TEX15: variants seen among roughly 807,000 people sequenced by gnomAD.
TEX15 encodes the protein testis expressed 15, meiosis and synapsis associated.
A neutral mutation model predicts 237.3 loss-of-function variants in TEX15; 171 were observed. The ratio of observed to expected loss-of-function variants is 0.72; its 90% CI spans 0.64 to 0.82. The LOEUF (loss-of-function observed/expected upper bound fraction) is 0.82. Among genes scored for constraint, TEX15 ranks in the 40% least tolerant of loss-of-function variants. TEX15 has a pLI of 0.00. For missense variants in TEX15, 3,750 were observed against 3,646.5 expected (o/e 1.03, Z -0.73); for synonymous variants, 1,338 against 1,269.8 (o/e 1.05, Z -1.14).
chr8:30,894,422 C>A (rs937294469), intron 2 of TEX15, among the ~76,000 whole-genome samples: 1 of 152,192 alleles, frequency 6.6e-6, no homozygotes, highest in Non-Finnish European at 1.5e-5. Context: ...TAATACCCTG[C>A]TTCCAGTATG....
At chr8:30,876,076 A>G (rs1428952341) in intron 3 of TEX15, among the ~76,000 whole-genome samples, 1 of 152,142 alleles carries the variant, frequency 6.6e-6, no homozygotes, top group African/African-American at 2.4e-5. Context: ...TTGGCCTCCC[A>G]AAGTGCTGGG....
intron 1 of TEX15, among the ~76,000 whole-genome samples, chr8:30,909,499 A>C (rs1809175885): frequency 1.3e-5 from 2 of 150,658 alleles, no homozygotes; most frequent in African/African-American, 4.9e-5. Context: ...CATTCCAAGG[A>C]TATAGGATTG....
Position 30,847,833 on chromosome 8 carries a change from G to T in TEX15, c.2334C>A (p.Phe778Leu). 6.2e-7 allele frequency: 1 copy of T among 1,613,824 alleles called. No individual in the cohort carries two copies. Among genetic ancestry groups the T allele is most frequent in the South Asian group, 1.1e-5 (1 of 91,056 alleles). ...TATAAGATGAAATAACTGTATCAAT[G>T]AACATTTCTTTGGCCTGGGGTATGT... ...PKDIPQAKEM[F>L]IDTVISSYNI... The change falls in exon 8 of 11, where the codon TTC becomes TTA. Residue 778 changes from phenylalanine (F) to leucine (L), a missense_variant. Phe to Leu is a conservative substitution (Grantham distance 22). Transcript: ENST00000643185.
chr8:30,843,519 T>G lies in TEX15; in HGVS notation c.6648A>C (p.Leu2216Phe), dbSNP rs752681462. The G allele has an allele frequency of 3.1e-5, 50 of 1,613,046 alleles. No individual in the cohort carries two copies. The highest frequency in any genetic ancestry group is 4.1e-5 in the Non-Finnish European group (48 of 1,179,678). ...AGTCCCCACATACATTGATCAACTT[T>G]AAAGTACTTTTTCTTAAGATTTCCA... ...EDLEILRKST[L>F]KLINVCGDSP... The change falls in exon 8 of 11, where the codon TTA (leucine) becomes TTC (phenylalanine). Residue 2216 changes from leucine to phenylalanine, a missense_variant. Physicochemically the swap from Leu to Phe is conservative, Grantham distance 22 (BLOSUM62 0). Coordinates refer to ENST00000643185, the MANE Select transcript of TEX15 (RefSeq NM_001350162.2).
Position 30,837,013 on chromosome 8 carries a change from G to GATT in TEX15, c.9268_9270dup (p.Asn3090dup). 1.9e-6 allele frequency: 3 copies of GATT among 1,614,146 alleles called. No individual in the cohort carries two copies. The highest frequency in any genetic ancestry group is 2.5e-6 in the Non-Finnish European group (3 of 1,180,034). ...TAAGTAAAATATTGAGAGTACAGAA[G>GATT]ATTAGAATGTGTGCCCTGGGCAGTA... On this transcript the variant is annotated inframe_insertion, in exon 10 of 11. Coordinates refer to ENST00000643185, the MANE Select transcript of TEX15 (RefSeq NM_001350162.2).
intron 7 of TEX15, among the ~76,000 whole-genome samples, chr8:30,851,687 C>T (rs572737581): frequency 0.022 from 3,300 of 149,928 alleles, 113 homozygotes; most frequent in African/African-American, 0.076. Flanking sequence ...GAAAAGAAAC[C>T]TAATTACTTA....
In TEX15 at chr8:30,844,684, G is replaced by T; in HGVS notation, c.5483C>A (p.Ser1828Tyr). The change falls in exon 8 of 11, where the codon TCC becomes TAC. Residue 1828 changes from serine to tyrosine, a missense_variant. By Grantham distance (144) the Ser-to-Tyr change is moderately radical. Transcript: ENST00000643185. ...CTTCACAATACATGTTTCTGAAGAG[G>T]AGCCTTTTACATTATCTTTTAAAAG... is the stretch of plus-strand genomic sequence containing the variant. ...SLLLKDNVKG[S>Y]SSETCIVKKD... The T allele has an allele frequency of 6.2e-7, 1 of 1,613,166 alleles. No individual in the cohort carries two copies. The highest frequency in any genetic ancestry group is 8.5e-7 in the Non-Finnish European group (1 of 1,179,570).
At chr8:30,839,410 A>G (rs992169241) in intron 9 of TEX15, among the ~76,000 whole-genome samples, 1 of 147,790 alleles carries the variant, frequency 6.8e-6, no homozygotes, top group African/African-American at 2.6e-5. Context: ...GAAATTTGCC[A>G]TTCTTCAAAA....
rs1433773777 is a variant in TEX15 at position 30,846,755 on chromosome 8, A to G, written c.3412T>C (p.Ser1138Pro). ...TCTGTTTCATTGTTTTGTGTAGAGG[A>G]ATAAAAATAGTTACTTTCCTTAGAA... ...HYSKESNYFY[S>P]STQNNETELT... is the part of the protein sequence containing the mutation. The change falls in exon 8 of 11, where the codon TCC becomes CCC. Residue 1138 changes from serine to proline, a missense_variant. Physicochemically the swap from Ser to Pro is moderately conservative, Grantham distance 74. Coordinates refer to ENST00000643185, the MANE Select transcript of TEX15 (RefSeq NM_001350162.2). The G allele has an allele frequency of 6.2e-7, 1 of 1,613,850 alleles. No individual in the cohort carries two copies. The highest frequency in any genetic ancestry group is 1.1e-5 in the South Asian group (1 of 91,068).
At chr8:30,908,226 A>G (rs1472802857) in intron 1 of TEX15, among the ~76,000 whole-genome samples, 1 of 151,748 alleles carries the variant, frequency 6.6e-6, no homozygotes, top group African/African-American at 2.4e-5. Context: ...GCCTGACCCT[A>G]TTTTTTAATT....
chr8:30,875,633 T>A (rs996733159), intron 3 of TEX15, among the ~76,000 whole-genome samples: 2 of 152,162 alleles, frequency 1.3e-5, no homozygotes, highest in African/African-American at 4.8e-5. Context: ...CATAAAAGGA[T>A]AAAATCCTAT....
In TEX15 at chr8:30,887,025, A is replaced by AT. The variant is rs1563270801; in HGVS notation, c.136+141dup. The AT allele has an allele frequency of 2.4e-5, 16 of 663,388 alleles. No individual in the cohort carries two copies. The South Asian group carries it at 3.0e-4, about 12-fold the overall frequency. 41.1% of individuals were successfully genotyped at this position (663,388 alleles called of 1,614,324 possible). A position where few individuals can be genotyped will look rare whatever the true frequency, so the allele number is the denominator to read the frequency against. ...CATCTATTCTATTTTGAGTGGAAAC[A>AT]TAAGTACATGTATGTTTAAGGAATT... On this transcript the variant is annotated intron_variant, in intron 3 of 10. Coordinates refer to ENST00000643185, the MANE Select transcript of TEX15 (RefSeq NM_001350162.2).
At chr8:30,909,226 C>T (rs994191091) in intron 1 of TEX15, among the ~76,000 whole-genome samples, 7 of 151,826 alleles carry the variant, frequency 4.6e-5, no homozygotes, top group African/African-American at 1.7e-4. Context: ...CTCAGATAAA[C>T]CTTAAAAATC....
Position 30,844,119 on chromosome 8 carries a change from T to C in TEX15, c.6048A>G (p.Leu2016=). ...TTAGACAAACCTTAGTTTCTTCCTG[T>C]AGAATCTGCAAAGATGATGCTTCAT... is the stretch of plus-strand genomic sequence containing the variant. ...RADEASSLQI[L]QEETKVCLNI... is the part of the protein sequence containing the mutation. The change falls in exon 8 of 11, where the codon CTA becomes CTG. Residue 2016 remains leucine (L), a synonymous_variant. Coordinates refer to ENST00000643185, the MANE Select transcript of TEX15 (RefSeq NM_001350162.2). The C allele has an allele frequency of 6.2e-7, 1 of 1,613,372 alleles. No homozygotes were observed. The highest frequency in any genetic ancestry group is 8.5e-7 in the Non-Finnish European group (1 of 1,179,570).
intron 1 of TEX15, among the ~76,000 whole-genome samples, chr8:30,903,143 A>G (rs979736055): frequency 2.0e-5 from 3 of 152,222 alleles, no homozygotes; most frequent in Non-Finnish European, 2.9e-5. Flanking sequence ...TCAAATTATA[A>G]TCTTGTTTTA....
At chr8:30,883,744 A>G (rs1049119948) in intron 3 of TEX15, among the ~76,000 whole-genome samples, 5 of 152,128 alleles carry the variant, frequency 3.3e-5, no homozygotes, top group Non-Finnish European at 5.9e-5. Context: ...AATCCAGTCT[A>G]TATCACTGAT....
At chr8:30,886,542 GCATTA>G in intron 3 of TEX15, among the ~76,000 whole-genome samples, 1 of 152,176 alleles carries the variant, frequency 6.6e-6, no homozygotes, top group East Asian at 1.9e-4. Context: ...AGAAGGGAAT[GCATTA>G]TTGCTGTGTG....
In TEX15 at chr8:30,836,923, G is replaced by GTATTTGAGA; in HGVS notation, c.9352_9360dup (p.Ser3118_Ile3120dup). On this transcript the variant is annotated inframe_insertion, in exon 10 of 11. Coordinates refer to ENST00000643185, the MANE Select transcript of TEX15 (RefSeq NM_001350162.2). ...ATTGGCTGCCGAAAATTAGAAGCAGGTATTTGAGATTGAAAATACCCATTC... is the reference window on the plus strand; with the variant it reads ...ATTGGCTGCCGAAAATTAGAAGCAGGTATTTGAGATATTTGAGATTGAAAATACCCATTC... 1 of 1,614,148 alleles carries GTATTTGAGA rather than the reference G, an allele frequency of 6.2e-7. No individual in the cohort carries two copies. The highest frequency in any genetic ancestry group is 1.1e-5 in the South Asian group (1 of 91,080).
intron 3 of TEX15, among the ~76,000 whole-genome samples, chr8:30,882,508 A>G (rs1396935006): frequency 6.6e-6 from 1 of 152,062 alleles, no homozygotes; most frequent in East Asian, 1.9e-4. Flanking sequence ...GGATGGTCCC[A>G]ATCTCCTGAC....
Sources: allele counts gnomAD v4.1 joint callset (sites outside exome capture counted in the v4.1 genomes callset), GRCh38; gene constraint gnomAD v4.1.1; transcripts MANE v1.5; gene names NCBI Gene and HGNC (gene_info 2026-07-23, HGNC 2026-07-21).